The following CTRB2 variants were observed in gnomAD, a reference collection of about 807,000 sequenced individuals.
CTRB2 encodes chymotrypsin B2.
Under a neutral mutation model 19.3 loss-of-function variants are expected in CTRB2, and 9 were observed. The observed-to-expected ratio is 0.47, with a 90% CI of 0.28 to 0.81. The LOEUF (loss-of-function observed/expected upper bound fraction) is 0.81, where lower values mean the gene tolerates loss of function less well. CTRB2 is among the 40% of genes least tolerant of loss of function. The pLI is 0.11. For synonymous variants in CTRB2, 98 were observed against 117.3 expected, an observed-to-expected ratio of 0.84 and a Z score of 1.06; for missense variants, 210 against 269.7, an observed-to-expected ratio of 0.78 and a Z score of 1.55.
chr16:75,206,330 C>T, intron 1 of CTRB2, 137 bp from the exon 2 acceptor site: 1 of 886,592 alleles, frequency 1.1e-6, no homozygotes, highest in Non-Finnish European at 1.7e-6. Context: ...GAAGTTGGCC[C>T]TGGCTCTCCT....
rs200499312 is a variant in CTRB2 at position 75,204,827 on chromosome 16, C to T, written c.576G>A (p.Arg192=). 6,493 of 1,390,692 alleles carry T rather than the reference C, an allele frequency of 4.7e-3. 343 individuals carry two copies. The African/African-American group carries it at 0.087, about 19-fold the overall frequency. 86.1% of individuals were successfully genotyped at this position (1,390,692 alleles called of 1,614,324 possible). The change falls in exon 6 of 7, where the codon AGG becomes AGA. Residue 192 remains arginine (R), a synonymous_variant. Transcript: ENST00000303037. ...SNAECKKSWG[R]RITDVMICAG... ...CACAGATCATCACGTCGGTGATCCTCCTGCCCCAGGACTTCTTGCATTCGG... is the reference window on the plus strand; with the variant it reads ...CACAGATCATCACGTCGGTGATCCTTCTGCCCCAGGACTTCTTGCATTCGG...
rs1489707771 is a variant in CTRB2, at chr16:75,204,130, T to C, written c.*31A>G. The C allele has an allele frequency of 1.2e-6, 2 of 1,613,748 alleles. No individual in the cohort carries two copies. The highest frequency in any genetic ancestry group is 1.7e-6 in the Non-Finnish European group (2 of 1,179,826). Reference sequence around the variant, plus strand: ...CTAAACAGATGCATTTAATGGGAAATCTTAAGGCAGGGGTGGCAGGAGCTG... The same window carrying C: ...CTAAACAGATGCATTTAATGGGAAACCTTAAGGCAGGGGTGGCAGGAGCTG... On this transcript the variant is annotated 3_prime_UTR_variant, in exon 7 of 7. Transcript: ENST00000303037.
chr16:75,204,603 A>G, intron 6 of CTRB2, 170 bp downstream of exon 6: 1 of 1,329,108 alleles, frequency 7.5e-7, no homozygotes, highest in Non-Finnish European at 1.0e-6. Context: ...GGGCAGCCTC[A>G]GCTGCATGGC....
rs1283243491 is a variant in CTRB2, at chr16:75,204,225, G to A, written c.728C>T (p.Pro243Leu). 3 of 1,614,106 alleles carry A rather than the reference G, an allele frequency of 1.9e-6. No individual in the cohort carries two copies. The East Asian group carries it at 6.7e-5, about 36-fold the overall frequency. The change falls in exon 7 of 7, where the codon CCC (proline) becomes CTC (leucine). Residue 243 changes from proline (P) to leucine (L), a missense_variant. Physicochemically the swap from Pro to Leu is moderately conservative, Grantham distance 98. This residue lies in a region of CTRB2 where 120 missense variants were observed against 90.8 expected (regional missense o/e 1.32). Transcript: ENST00000303037. Reference sequence around the variant, plus strand: ...CTTGGCGACACGGGCGTACACAGCGGGCGTGGTGGTAGAGCAGGTGCGGCT... The same window carrying A: ...CTTGGCGACACGGGCGTACACAGCGAGCGTGGTGGTAGAGCAGGTGCGGCT... ...WGSRTCSTTT[P>L]AVYARVAKLI... is the part of the protein sequence containing the mutation.
At chr16:75,206,509 G>C in intron 1 of CTRB2, 1 of 456,584 alleles carries the variant, frequency 2.2e-6, no homozygotes, top group Non-Finnish European at 3.9e-6. Flanking sequence ...CTGTGGGTTT[G>C]AACCTGGCTC....
chr16:75,206,143 C>T lies in CTRB2; in HGVS notation c.103G>A (p.Val35Met), dbSNP rs1340984046. 7.8e-6 allele frequency: 12 copies of T among 1,547,766 alleles called. No individual in the cohort carries two copies. The highest frequency in any genetic ancestry group is 9.6e-6 in the Non-Finnish European group (11 of 1,144,688). ...HPVLSGLSRI[V>M]NGEDAVPGSW... Reference sequence around the variant, plus strand: ...CCGGGGACGGCGTCCTCCCCATTCACGATCCTGGACAGGCCGCTGAGCACA... The same window carrying T: ...CCGGGGACGGCGTCCTCCCCATTCATGATCCTGGACAGGCCGCTGAGCACA... Residue 35 changes from valine to methionine, a missense_variant, in exon 2 of 7, where the codon GTG becomes ATG. Physicochemically the swap from Val to Met is conservative, Grantham distance 21 (BLOSUM62 1). This residue lies in a region of CTRB2 where 57 missense variants were observed against 72.6 expected (regional missense o/e 0.79). Coordinates refer to ENST00000303037, the MANE Select transcript of CTRB2 (RefSeq NM_001025200.4).
At chr16:75,206,506 T>A in intron 1 of CTRB2, 1 of 455,946 alleles carries the variant, frequency 2.2e-6, no homozygotes, top group Non-Finnish European at 3.9e-6. Flanking sequence ...ACTCTGTGGG[T>A]TTGAACCTGG....
chr16:75,204,691 A>G (rs1181105352), intron 6 of CTRB2, 82 bp downstream of exon 6: 1 of 1,546,456 alleles, frequency 6.5e-7, no homozygotes, highest in Non-Finnish European at 8.7e-7. Context: ...GGGTTAGTAG[A>G]TGAGAGCAGA....
chr16:75,204,210 CG>C lies in CTRB2; in HGVS notation c.742del (p.Arg248ValfsTer?). On this transcript the variant is annotated frameshift_variant, in exon 7 of 7. Transcript: ENST00000303037. LOFTEE classifies it high-confidence loss of function. Reference sequence around the variant, plus strand: ...CACCCAGGGTATGAGCTTGGCGACACGGGCGTACACAGCGGGCGTGGTGGTA... The same window carrying C: ...CACCCAGGGTATGAGCTTGGCGACACGGCGTACACAGCGGGCGTGGTGGTA... Reference protein sequence around the residue: ...CSTTTPAVYARVAKLIPWVQK... With the variant: ...CSTTTPAVYAXVAKLIPWVQK... 6.2e-7 allele frequency: 1 copy of C among 1,614,038 alleles called. No homozygotes were observed. The highest frequency in any genetic ancestry group is 1.1e-5 in the South Asian group (1 of 91,072).
At chr16:75,204,702 GA>G in intron 6 of CTRB2, 70 bp downstream of exon 6, 1 of 1,543,486 alleles carries the variant, frequency 6.5e-7, no homozygotes, top group East Asian at 2.4e-5. Flanking sequence ...TGAGAGCAGA[GA>G]GGGGTGGAAA....
intron 1 of CTRB2, chr16:75,206,705 C>T (rs996573238): frequency 1.9e-5 from 7 of 363,548 alleles, no homozygotes; most frequent in South Asian, 9.8e-5. Context: ...TTGGACTGAA[C>T]GGTGCCAAGC....
In CTRB2 at chr16:75,207,128, C is replaced by A. The variant is rs148293871; in HGVS notation, c.14G>T (p.Trp5Leu). ...CAGGAGGGCCCAGCAGGAGAGGAGC[C>A]AGAGGAAAGCCATGGTGCCGCTGGC... Reference protein sequence around the residue: MAFLWLLSCWALLGT... With the variant: MAFLLLLSCWALLGT... Residue 5 changes from tryptophan (W) to leucine (L), a missense_variant, in exon 1 of 7, where the codon TGG (tryptophan) becomes TTG (leucine). Coordinates refer to ENST00000303037, the MANE Select transcript of CTRB2 (RefSeq NM_001025200.4). 2,108 of 1,558,852 alleles carry A rather than the reference C, an allele frequency of 1.4e-3. 7 individuals are homozygous for A. Among genetic ancestry groups the A allele is most frequent in the Admixed American group, 2.8e-3 (142 of 51,280 alleles).
intron 6 of CTRB2, 71 bp from the exon 7 acceptor site, chr16:75,204,393 G>T (rs1444145131): frequency 1.5e-5 from 22 of 1,439,872 alleles, no homozygotes; most frequent in Non-Finnish European, 2.0e-5. Flanking sequence ...TGACCTGGTG[G>T]AGTCTAGGGA....
rs769192479 is a variant in CTRB2 at position 75,206,188 on chromosome 16, C to G, written c.58G>C (p.Gly20Arg). The G allele has an allele frequency of 6.4e-7, 1 of 1,557,416 alleles. No homozygotes were observed. Among genetic ancestry groups the G allele is most frequent in the Non-Finnish European group, 8.7e-7 (1 of 1,150,142 alleles). Residue 20 changes from glycine to arginine, a missense_variant, in exon 2 of 7, where the codon GGG becomes CGG. Gly to Arg is a moderately radical substitution (Grantham distance 125). This residue lies in a region of CTRB2 where 57 missense variants were observed against 72.6 expected (regional missense o/e 0.79). Transcript: ENST00000303037. ...WALLGTTFGC[G>R]VPAIHPVLSG... ...AGCACAGGGTGGATGGCGGGGACCC[C>G]GCAGCCTGGGGGCGGGAGTGGGCTG...
At chr16:75,204,636 CT>C in intron 6 of CTRB2, 136 bp downstream of exon 6, 1 of 1,500,918 alleles carries the variant, frequency 6.7e-7, no homozygotes. Context: ...TCATGGGCGG[CT>C]GTGACCCCAA....
chr16:75,204,611 G>C, intron 6 of CTRB2, 162 bp downstream of exon 6: 1 of 1,387,226 alleles, frequency 7.2e-7, no homozygotes, highest in South Asian at 1.4e-5. Context: ...TCAGCTGCAT[G>C]GCCTGGAGGA....
chr16:75,204,722 C>G, intron 6 of CTRB2, 51 bp downstream of exon 6: 1 of 1,471,676 alleles, frequency 6.8e-7, no homozygotes, highest in South Asian at 1.2e-5. Flanking sequence ...AAGCCCAGAC[C>G]TCCCCTGCAC....
intron 1 of CTRB2, chr16:75,206,822 C>T (rs939508443): frequency 9.1e-5 from 45 of 493,786 alleles, no homozygotes; most frequent in East Asian, 2.2e-4. Flanking sequence ...CTCCTCCCCC[C>T]GCCTCCTCCC....
chr16:75,206,639 G>A (rs867748642), intron 1 of CTRB2: 23 of 296,840 alleles, frequency 7.7e-5, no homozygotes, highest in Middle Eastern at 2.2e-3. Flanking sequence ...CCTGGCACCC[G>A]GGAAGTGCTC....
Sources: gnomAD v4.1 joint callset for allele counts on GRCh38, gnomAD v4.1.1 for gene constraint, gnomAD v4.1.1 regional missense constraint, MANE v1.5 for transcripts, NCBI Gene and HGNC (gene_info 2026-07-23, HGNC 2026-07-21) for gene names.